ZNF385D: variants seen among roughly 807,000 people sequenced by gnomAD.
The protein encoded by ZNF385D is zinc finger protein 385D.
A neutral mutation model predicts 35.8 loss-of-function variants in ZNF385D; 15 were observed. That is an observed-to-expected ratio of 0.42 (90% CI 0.28 to 0.64). ZNF385D has a LOEUF of 0.64. Ranked by LOEUF, ZNF385D falls within the 30% of genes least tolerant of loss-of-function variation. The pLI, the probability that ZNF385D is intolerant of heterozygous loss-of-function variation, is 0.23. For missense variants in ZNF385D, 474 were observed against 494.6 expected (o/e 0.96, Z 0.39); for synonymous variants, 212 against 186.8 (o/e 1.13, Z -1.10).
intron 2 of ZNF385D, chr3:21,579,808 A>G (rs933990468): frequency 1.7e-5 from 1 of 57,468 alleles, no homozygotes; most frequent in African/African-American, 7.3e-5. Flanking sequence ...TCATAGGTAC[A>G]TCATTCCAAT....
chr3:21,819,801 CATAA>C (rs2073323269), intron 3 of ZNF385D, among the ~76,000 whole-genome samples: 2 of 144,174 alleles, frequency 1.4e-5, no homozygotes, highest in South Asian at 2.1e-4. Context: ...TACATATATA[CATAA>C]ATATAATATA....
intron 3 of ZNF385D, among the ~76,000 whole-genome samples, chr3:22,048,001 T>G (rs1205852776): frequency 1.3e-5 from 2 of 152,194 alleles, no homozygotes; most frequent in Non-Finnish European, 2.9e-5. Context: ...TGATTAGTGA[T>G]GCTGAACAGT....
At chr3:21,727,356 CA>C (rs2068810379) in intron 1 of ZNF385D, among the ~76,000 whole-genome samples, 1 of 152,030 alleles carries the variant, frequency 6.6e-6, no homozygotes, top group Non-Finnish European at 1.5e-5. Context: ...TTCTGCACAG[CA>C]AAAGAAACTA....
intron 2 of ZNF385D, among the ~76,000 whole-genome samples, chr3:22,292,564 A>G (rs1702354123): frequency 1.3e-5 from 2 of 152,086 alleles, no homozygotes; most frequent in Admixed American, 6.6e-5. Context: ...ACATGCCCAG[A>G]TAAGTTTCAA....
At chr3:22,002,013 T>A (rs1695872427) in intron 3 of ZNF385D, among the ~76,000 whole-genome samples, 1 of 151,578 alleles carries the variant, frequency 6.6e-6, no homozygotes, top group South Asian at 2.1e-4. Flanking sequence ...AACAAACTTG[T>A]AACAATATAG....
At chr3:21,645,184 C>T (rs183907853) in intron 2 of ZNF385D, among the ~76,000 whole-genome samples, 4 of 152,106 alleles carry the variant, frequency 2.6e-5, no homozygotes, top group African/African-American at 7.2e-5. Context: ...CTGGCAGTAC[C>T]GGAATTGGCA....
intron 2 of ZNF385D, among the ~76,000 whole-genome samples, chr3:22,253,655 C>A (rs1419096511): frequency 6.6e-6 from 1 of 151,828 alleles, no homozygotes; most frequent in Non-Finnish European, 1.5e-5. Context: ...TAATTTGAAA[C>A]CACAAATGAT....
At chr3:22,368,596 C>G (rs1261017515) in intron 2 of ZNF385D, among the ~76,000 whole-genome samples, 1 of 152,162 alleles carries the variant, frequency 6.6e-6, no homozygotes, top group Non-Finnish European at 1.5e-5. Flanking sequence ...GATTCAATGA[C>G]TGCGGTGGGC....
intron 3 of ZNF385D, among the ~76,000 whole-genome samples, chr3:22,141,988 G>T (rs1704532790): frequency 6.6e-6 from 1 of 152,134 alleles, no homozygotes; most frequent in Non-Finnish European, 1.5e-5. Context: ...CATGACTTAT[G>T]GTTAAATGAT....
chr3:22,005,056 C>CAA (rs71044965), intron 3 of ZNF385D, among the ~76,000 whole-genome samples: 825 of 57,282 alleles, frequency 0.014, 76 homozygotes, highest in Non-Finnish European at 0.019. Flanking sequence ...CACTCAGCAG[C>CAA]AAAAAAAAAA....
intron 3 of ZNF385D, among the ~76,000 whole-genome samples, chr3:22,076,049 CAACT>C (rs1700448369): frequency 1.3e-5 from 2 of 151,886 alleles, no homozygotes; most frequent in Non-Finnish European, 1.5e-5. Context: ...CCCCCATTAC[CAACT>C]GAGTCTAAAC....
chr3:22,240,013 C>T (rs1191200883), intron 2 of ZNF385D, among the ~76,000 whole-genome samples: 3 of 137,310 alleles, frequency 2.2e-5, no homozygotes, highest in Non-Finnish European at 1.6e-5. Context: ...CCAGTCTCTA[C>T]AAAAAAAAAA....
chr3:21,531,801 G>A (rs1022191965), intron 3 of ZNF385D, among the ~76,000 whole-genome samples: 2 of 152,182 alleles, frequency 1.3e-5, no homozygotes, highest in Non-Finnish European at 2.9e-5. Flanking sequence ...AAGCTATTCT[G>A]TATAATATGG....
chr3:21,574,362 G>A (rs1414308095), intron 2 of ZNF385D, among the ~76,000 whole-genome samples: 1 of 152,002 alleles, frequency 6.6e-6, no homozygotes, highest in Non-Finnish European at 1.5e-5. Context: ...AAGGTTTCCT[G>A]AACATATAAA....
intron 2 of ZNF385D, among the ~76,000 whole-genome samples, chr3:22,285,358 T>G (rs941230623): frequency 6.6e-6 from 1 of 152,146 alleles, no homozygotes; most frequent in African/African-American, 2.4e-5. Context: ...AGAAAGATTA[T>G]CTATTACAAA....
chr3:22,016,266 G>A (rs554413544), intron 3 of ZNF385D, among the ~76,000 whole-genome samples: 3 of 152,154 alleles, frequency 2.0e-5, no homozygotes, highest in African/African-American at 7.2e-5. Context: ...TAGAGGGTAG[G>A]TATGCGTCCA....
intron 3 of ZNF385D, among the ~76,000 whole-genome samples, chr3:22,132,172 T>G (rs1703839055): frequency 6.6e-6 from 1 of 152,130 alleles, no homozygotes; most frequent in African/African-American, 2.4e-5. Flanking sequence ...GTGGTGATGG[T>G]ATTTGGAGGC....
intron 3 of ZNF385D, among the ~76,000 whole-genome samples, chr3:21,831,153 G>T (rs1418505025): frequency 6.6e-6 from 1 of 151,958 alleles, no homozygotes; most frequent in African/African-American, 2.4e-5. Context: ...CAATAATTTT[G>T]TAAAAATATT....
At chr3:21,814,138 C>G (rs139507914) in intron 3 of ZNF385D, among the ~76,000 whole-genome samples, 1,887 of 152,264 alleles carry the variant, frequency 0.012, 45 homozygotes, top group African/African-American at 0.043. Context: ...CCTTTACAGA[C>G]AAGCAAATGC....
Sources: allele counts gnomAD v4.1 joint callset (sites outside exome capture counted in the v4.1 genomes callset), GRCh38; gene constraint gnomAD v4.1.1; transcripts MANE v1.5; gene names NCBI Gene and HGNC (gene_info 2026-07-23, HGNC 2026-07-21).